PIP5K1C: variants seen among roughly 807,000 people sequenced by gnomAD.
PIP5K1C encodes the protein phosphatidylinositol 4-phosphate 5-kinase type-1 gamma.
PIP5K1C carries 45 observed loss-of-function variants against 80.1 expected under a neutral mutation model. The ratio of observed to expected loss-of-function variants is 0.56; its 90% confidence interval spans 0.44 to 0.72. The LOEUF is 0.72. Ranked by LOEUF, PIP5K1C falls within the 30% of genes least tolerant of loss-of-function variation. The pLI, the probability that PIP5K1C is intolerant of heterozygous loss-of-function variation, is 0.00. For missense variants in PIP5K1C, 753 were observed against 954.6 expected (o/e 0.79, Z 2.78); for synonymous variants, 498 against 420.1 (o/e 1.19, Z -2.27).
In PIP5K1C at chr19:3,637,928, G is replaced by A. The variant is rs575306466; in HGVS notation, c.1920+956C>T. The A allele has an allele frequency of 2.7e-5, 41 of 1,535,284 alleles. No homozygotes were observed. Among genetic ancestry groups the A allele is most frequent in the African/African-American group, 4.1e-5 (3 of 73,148 alleles). On this transcript the variant is annotated intron_variant, in intron 16 of 17. Coordinates refer to ENST00000335312, the MANE Select transcript of PIP5K1C (RefSeq NM_012398.3). This position sits in a 1 kb window ranked among gnomAD's most constrained non-coding sequence, Gnocchi z 7.0. ...CCAGGAAAAGGGGTGACGACGTGCG[G>A]TGGGTAGGGGCACAGGCACGCGGCC...
intron 1 of PIP5K1C, among the ~76,000 whole-genome samples, chr19:3,678,472 G>A (rs2035473749): frequency 7.4e-6 from 1 of 134,502 alleles, no homozygotes; most frequent in Admixed American, 7.3e-5. Flanking sequence ...GAGGATGGAG[G>A]GATGGAGGAG....
In PIP5K1C at chr19:3,662,622, G is replaced by A. The variant is rs548160939; in HGVS notation, c.220-621C>T. ...GCTCTGTCGCCCAGGCTGGAGTGCA[G>A]TGGCGCAATCTCAGCTCACTGCAAC... On this transcript the variant is annotated intron_variant, in intron 3 of 17. Transcript: ENST00000335312. 5.8e-4 allele frequency among the ~76,000 whole-genome samples: 88 copies of A among 152,200 alleles called. 1 individual carries two copies. Among genetic ancestry groups the A allele is most frequent in the African/African-American group, 2.0e-3 (82 of 41,516 alleles).
At chr19:3,678,895 T>C (rs114260773) in intron 1 of PIP5K1C, among the ~76,000 whole-genome samples, 1,024 of 96,644 alleles carry the variant, frequency 0.011, 15 homozygotes, top group African/African-American at 0.041. Flanking sequence ...GATGGCGGGA[T>C]GGCAGGACGG....
intron 16 of PIP5K1C, among the ~76,000 whole-genome samples, chr19:3,635,005 G>A (rs555718511): frequency 1.3e-5 from 2 of 152,328 alleles, no homozygotes; most frequent in South Asian, 2.1e-4. Flanking sequence ...TCCACCCAAC[G>A]TCCCTTGAGA....
intron 1 of PIP5K1C, chr19:3,668,564 T>C (rs989784333): frequency 1.3e-5 from 2 of 152,224 alleles, no homozygotes; most frequent in African/African-American, 4.8e-5. Context: ...AGCTTGACTT[T>C]AGCCTGGTGA....
rs761147652 is a variant in PIP5K1C at position 3,664,956 on chromosome 19, C to T, written c.127-42G>A. The T allele has an allele frequency of 2.8e-5, 42 of 1,479,398 alleles. No individual in the cohort carries two copies. The East Asian group carries it at 6.1e-4, about 21-fold the overall frequency. The allele number at this position is 1,479,398 out of a possible 1,614,324, so 91.6% of individuals were successfully genotyped here. A position where few individuals can be genotyped will look rare whatever the true frequency, so the allele number is the denominator to read the frequency against. ...GGAAGCGTTAACTCCCTAAGGAGCA[C>T]GCCCACCGGGACAGGGCACGCTCTG... On this transcript the variant is annotated intron_variant, in intron 2 of 17. Coordinates refer to ENST00000335312, the MANE Select transcript of PIP5K1C (RefSeq NM_012398.3).
At chr19:3,681,270 G>A (rs866927489) in intron 1 of PIP5K1C, among the ~76,000 whole-genome samples, 16 of 148,496 alleles carry the variant, frequency 1.1e-4, no homozygotes, top group South Asian at 2.1e-4. Context: ...TCGTTCTGTC[G>A]CCCAGGCTGG....
chr19:3,678,583 GATAA>G (rs149355956), intron 1 of PIP5K1C, among the ~76,000 whole-genome samples: 21 of 86,758 alleles, frequency 2.4e-4, no homozygotes, highest in Non-Finnish European at 3.4e-4. Context: ...GGGATGGAGG[GATAA>G]AGGGATGGAG....
At chr19:3,636,232 C>T (rs1474400193) in intron 16 of PIP5K1C, among the ~76,000 whole-genome samples, 4 of 152,124 alleles carry the variant, frequency 2.6e-5, no homozygotes, top group Non-Finnish European at 4.4e-5. Flanking sequence ...GAGAGGGACA[C>T]CCTCAGCCAG....
intron 2 of PIP5K1C, among the ~76,000 whole-genome samples, chr19:3,665,870 C>T (rs987606991): frequency 2.6e-5 from 4 of 152,124 alleles, no homozygotes; most frequent in Admixed American, 6.5e-5. Context: ...AGCGCCACTG[C>T]GTTTGCTAGG....
intron 1 of PIP5K1C, among the ~76,000 whole-genome samples, chr19:3,676,226 G>A (rs1278148771): frequency 2.6e-5 from 4 of 152,200 alleles, no homozygotes; most frequent in Admixed American, 1.3e-4. Flanking sequence ...GGCAGCACCC[G>A]ACTGATGGTC....
chr19:3,636,777 T>C, intron 16 of PIP5K1C: 1 of 986,370 alleles, frequency 1.0e-6, no homozygotes, highest in Non-Finnish European at 1.2e-6. Flanking sequence ...GGCGGAGGCT[T>C]TGTCTCGAGG....
intron 5 of PIP5K1C, among the ~76,000 whole-genome samples, chr19:3,659,646 G>A (rs1334153933): frequency 6.6e-6 from 1 of 152,140 alleles, no homozygotes; most frequent in African/African-American, 2.4e-5. Flanking sequence ...CTGAAGTCCG[G>A]AGGCTGGGCC....
At chr19:3,681,736 G>T (rs1194675830) in intron 1 of PIP5K1C, among the ~76,000 whole-genome samples, 1 of 152,010 alleles carries the variant, frequency 6.6e-6, no homozygotes, top group African/African-American at 2.4e-5. Flanking sequence ...CTCCAGCCTG[G>T]ACTTGAAGGG....
Position 3,653,400 on chromosome 19 carries a change from T to C in PIP5K1C, c.811A>G (p.Ser271Gly), listed in dbSNP as rs939761026. The change falls in exon 7 of 18, where the codon AGC (serine) becomes GGC (glycine). Residue 271 changes from serine to glycine, a missense_variant. Transcript: ENST00000335312. ...TCCAGGTCCTTGTAGGTGGGGAAGC[T>C]CTTCTCCTTCTCCTTCTTGCTGGCG... ...RRASKKEKEK[S>G]FPTYKDLDFM... 1 of 1,613,104 alleles carries C rather than the reference T, an allele frequency of 6.2e-7. No individual in the cohort carries two copies. Among genetic ancestry groups the C allele is most frequent in the Non-Finnish European group, 8.5e-7 (1 of 1,180,000 alleles).
chr19:3,659,529 G>A (rs1211370468), intron 5 of PIP5K1C, among the ~76,000 whole-genome samples: 2 of 152,202 alleles, frequency 1.3e-5, no homozygotes, highest in African/African-American at 2.4e-5. Context: ...GTTCCTGGCC[G>A]CCTCACACGG....
chr19:3,644,980 G>A (rs562275520), intron 11 of PIP5K1C, among the ~76,000 whole-genome samples: 15 of 152,362 alleles, frequency 9.8e-5, no homozygotes, highest in African/African-American at 3.1e-4. Context: ...CTGTGGCATC[G>A]GTCCCAGAGA....
chr19:3,698,185 G>C (rs1205415987), intron 1 of PIP5K1C, among the ~76,000 whole-genome samples: 2 of 152,242 alleles, frequency 1.3e-5, no homozygotes, highest in South Asian at 2.1e-4. Flanking sequence ...CAGGGGCCTG[G>C]AGGCACCGAT....
intron 1 of PIP5K1C, among the ~76,000 whole-genome samples, chr19:3,687,673 G>T (rs912879529): frequency 5.9e-5 from 9 of 151,516 alleles, no homozygotes; most frequent in African/African-American, 1.9e-4. Context: ...AGGAAGGGGT[G>T]AGGTGGCTGG....
Sources: gnomAD v4.1 joint callset for allele counts (sites outside exome capture counted in the v4.1 genomes callset) on GRCh38, gnomAD v4.1.1 for gene constraint, Gnocchi (gnomAD v3.1) non-coding constraint, MANE v1.5 for transcripts, NCBI Gene and HGNC (gene_info 2026-07-23, HGNC 2026-07-21) for gene names.